The following ERC2 variants were observed in gnomAD, a reference collection of about 807,000 sequenced individuals.
The protein encoded by ERC2 is ELKS/RAB6-interacting/CAST family member 2, also known as ERC protein 2.
Under a neutral mutation model 114.8 loss-of-function variants are expected in ERC2, and 42 were observed. That is an observed-to-expected ratio of 0.37 (90% CI 0.29 to 0.47). ERC2 has a LOEUF of 0.47. Among genes scored for constraint, ERC2 ranks in the 20% least tolerant of loss-of-function variants. The pLI, the probability that ERC2 is intolerant of heterozygous loss-of-function variation, is 0.99. For synonymous variants in ERC2, 454 were observed against 425.5 expected, an observed-to-expected ratio of 1.07 and a Z score of -0.82; for missense variants, 939 against 1,150.7, an observed-to-expected ratio of 0.82 and a Z score of 2.66.
At chr3:55,926,414 T>TAAA (rs148370132) in intron 13 of ERC2, among the ~76,000 whole-genome samples, 38,892 of 72,946 alleles carry the variant, frequency 0.53, 6,006 homozygotes, top group Non-Finnish European at 0.57. Flanking sequence ...TTTTTTGTTT[T>TAAA]TAAAAAAAAA....
chr3:56,195,542 A>T (rs1255240702), intron 3 of ERC2, among the ~76,000 whole-genome samples: 1 of 148,438 alleles, frequency 6.7e-6, no homozygotes, highest in East Asian at 2.0e-4. Context: ...AAAATAGGAC[A>T]ATACTGGCCA....
chr3:55,732,475 A>G (rs1379575824), intron 15 of ERC2, among the ~76,000 whole-genome samples: 1 of 152,164 alleles, frequency 6.6e-6, no homozygotes. Flanking sequence ...GGTTTCCCAA[A>G]TGTACCCCAT....
intron 13 of ERC2, among the ~76,000 whole-genome samples, chr3:55,934,074 A>C (rs556376099): frequency 2.0e-5 from 3 of 152,336 alleles, no homozygotes; most frequent in Non-Finnish European, 4.4e-5. Flanking sequence ...ATGGATATGC[A>C]TATGTGTATA....
chr3:55,864,033 T>C (rs1465257746), intron 14 of ERC2, among the ~76,000 whole-genome samples: 1 of 150,420 alleles, frequency 6.6e-6, no homozygotes, highest in East Asian at 1.9e-4. Context: ...TATGTAGCTC[T>C]TTTTCACCCC....
chr3:56,026,745 C>T (rs150657375), intron 7 of ERC2, among the ~76,000 whole-genome samples: 1 of 150,640 alleles, frequency 6.6e-6, no homozygotes, highest in African/African-American at 2.4e-5. Context: ...ATACTATAAC[C>T]AGGGAATTGA....
chr3:55,808,253 A>G (rs571267629), intron 14 of ERC2, among the ~76,000 whole-genome samples: 1 of 152,090 alleles, frequency 6.6e-6, no homozygotes, highest in African/African-American at 2.4e-5. Context: ...ATAAGATGAA[A>G]GTAGAATTTC....
At chr3:56,378,728 G>A (rs1384873079) in intron 2 of ERC2, among the ~76,000 whole-genome samples, 2 of 152,082 alleles carry the variant, frequency 1.3e-5, no homozygotes, top group Non-Finnish European at 2.9e-5. Context: ...CACCAAATAA[G>A]CCAGATGAAT....
intron 7 of ERC2, among the ~76,000 whole-genome samples, chr3:56,063,303 T>G (rs552313107): frequency 6.6e-6 from 1 of 152,328 alleles, no homozygotes; most frequent in Non-Finnish European, 1.5e-5. Context: ...CTTACATTAC[T>G]TTGTTTTTGT....
intron 15 of ERC2, among the ~76,000 whole-genome samples, chr3:55,730,692 G>A (rs2065199635): frequency 6.6e-6 from 1 of 152,198 alleles, no homozygotes; most frequent in Non-Finnish European, 1.5e-5. Flanking sequence ...GCAATGTAGT[G>A]AAACCCCATT....
intron 13 of ERC2, among the ~76,000 whole-genome samples, chr3:55,948,515 T>A (rs1384404721): frequency 6.6e-6 from 1 of 152,232 alleles, no homozygotes; most frequent in Non-Finnish European, 1.5e-5. Flanking sequence ...AGGTTTACTC[T>A]CTATTAACCT....
intron 14 of ERC2, among the ~76,000 whole-genome samples, chr3:55,829,072 A>C (rs1209528993): frequency 6.6e-6 from 1 of 152,186 alleles, no homozygotes; most frequent in Non-Finnish European, 1.5e-5. Context: ...TTGAGGCTGC[A>C]CTGAGGCATG....
intron 3 of ERC2, among the ~76,000 whole-genome samples, chr3:56,276,427 C>T (rs1451820854): frequency 7.1e-6 from 1 of 140,430 alleles, no homozygotes; most frequent in Non-Finnish European, 1.5e-5. Flanking sequence ...CCATGCTCTG[C>T]ACCCAGCATC....
At chr3:56,325,310 G>C in intron 2 of ERC2, among the ~76,000 whole-genome samples, 1 of 152,046 alleles carries the variant, frequency 6.6e-6, no homozygotes. Context: ...GCTGGGTGTG[G>C]TGGTGGGCAC....
chr3:56,023,810 G>GGAAGGAAGGAAGGAAGGAAGGAAC (rs1560041027), intron 7 of ERC2, among the ~76,000 whole-genome samples: 1 of 151,906 alleles, frequency 6.6e-6, no homozygotes, highest in Admixed American at 6.6e-5. Flanking sequence ...AAGGAAGGAA[G>GGAAGGAAGGAAGGAAGGAAGGAAC]GAATTCTAAA....
intron 17 of ERC2, among the ~76,000 whole-genome samples, chr3:55,611,931 G>A (rs973567896): frequency 6.6e-6 from 1 of 152,184 alleles, no homozygotes; most frequent in African/African-American, 2.4e-5. Flanking sequence ...GCTGTATAAA[G>A]GACTGTCCCT....
chr3:56,295,930 G>A (rs2055400432), intron 3 of ERC2, 89 bp downstream of exon 3: 2 of 1,360,028 alleles, frequency 1.5e-6, no homozygotes, highest in Admixed American at 5.6e-5. Flanking sequence ...TGTTAAGGAT[G>A]TAGATATCTT....
chr3:56,219,553 G>A (rs187182993), intron 3 of ERC2, among the ~76,000 whole-genome samples: 61 of 151,438 alleles, frequency 4.0e-4, no homozygotes, highest in Non-Finnish European at 1.5e-5. Flanking sequence ...CACAAGCAAA[G>A]ATACTATTGA....
chr3:56,166,851 G>A (rs2082347306), intron 4 of ERC2, among the ~76,000 whole-genome samples: 1 of 151,830 alleles, frequency 6.6e-6, no homozygotes, highest in Admixed American at 6.6e-5. Flanking sequence ...ATTTAGTTTT[G>A]GTGCTCCACT....
intron 17 of ERC2, among the ~76,000 whole-genome samples, chr3:55,541,812 T>A (rs958396159): frequency 6.6e-6 from 1 of 152,248 alleles, no homozygotes; most frequent in Non-Finnish European, 1.5e-5. Context: ...TTGCCCTGGT[T>A]AGTTTTACAA....
Sources: gnomAD v4.1 joint callset for allele counts (sites outside exome capture counted in the v4.1 genomes callset) on GRCh38, gnomAD v4.1.1 for gene constraint, MANE v1.5 for transcripts, NCBI Gene and HGNC (gene_info 2026-07-23, HGNC 2026-07-21) for gene names.